The following ZNF516 variants were observed in gnomAD, a reference collection of about 807,000 sequenced individuals.
ZNF516 encodes the protein zinc finger protein 516.
ZNF516 carries 19 observed loss-of-function variants against 79.7 expected under a neutral mutation model. The observed-to-expected ratio is 0.24, with a 90% CI of 0.17 to 0.35. The LOEUF (loss-of-function observed/expected upper bound fraction) is 0.35. ZNF516 is among the 10% of genes least tolerant of loss of function. ZNF516 has a pLI of 1.00. For missense variants in ZNF516, 1,678 were observed against 1,679.5 expected (o/e 1.00, Z 0.02); for synonymous variants, 877 against 739.5 (o/e 1.19, Z -3.02).
chr18:76,412,627 G>C (rs1344806577), intron 3 of ZNF516, among the ~76,000 whole-genome samples: 2 of 152,176 alleles, frequency 1.3e-5, no homozygotes, highest in African/African-American at 2.4e-5. Context: ...GGGGAGGCCG[G>C]AGGATAAGGA....
At position 76,442,359 on chromosome 18, in the gene ZNF516, G is replaced by C. The variant is rs1474375165; in HGVS notation, c.696C>G (p.Gly232=). 6.2e-6 allele frequency: 10 copies of C among 1,609,212 alleles called. No individual in the cohort carries two copies. The highest frequency in any genetic ancestry group is 7.6e-6 in the Non-Finnish European group (9 of 1,179,134). ...GCTTGCCGTTCTCCACGCAGGCCTC[G>C]CCGCTGCCGGGCCCCTGCGCGGTGA... ...DHITAQGPGS[G]EACVENGKPE... The change falls in exon 3 of 7, where the codon GGC becomes GGG. Residue 232 remains glycine, a synonymous_variant. Coordinates refer to ENST00000443185, the MANE Select transcript of ZNF516 (RefSeq NM_014643.4).
intron 3 of ZNF516, among the ~76,000 whole-genome samples, chr18:76,407,492 C>T (rs1331571642): frequency 6.6e-6 from 1 of 152,096 alleles, no homozygotes; most frequent in African/African-American, 2.4e-5. Context: ...GACAGGGGCT[C>T]GGGCGGCAGC....
chr18:76,405,023 T>C (rs1051588206), intron 3 of ZNF516, among the ~76,000 whole-genome samples: 2 of 152,182 alleles, frequency 1.3e-5, no homozygotes, highest in Non-Finnish European at 2.9e-5. Flanking sequence ...CCCTGCCCTT[T>C]GCTCCCAGCA....
chr18:76,475,228 G>A (rs950027767), intron 1 of ZNF516, among the ~76,000 whole-genome samples: 1 of 152,174 alleles, frequency 6.6e-6, no homozygotes, highest in African/African-American at 2.4e-5. Flanking sequence ...ATAATGTGAC[G>A]AAGTAACAGG....
rs910507905 is a variant in ZNF516, at chr18:76,358,493, G to A, written c.*4005C>T. 2.0e-5 allele frequency: 3 copies of A among 152,210 alleles called. No homozygotes were observed. Among genetic ancestry groups the A allele is most frequent in the Admixed American group, 1.3e-4 (2 of 15,282 alleles). 9.4% of individuals were successfully genotyped at this position (152,210 alleles called of 1,614,324 possible). On this transcript the variant is annotated 3_prime_UTR_variant, in exon 7 of 7. Transcript: ENST00000443185. ...GGCCCTTGGTCACTCCCACAGGCAC[G>A]TTACCGGGCTCCGGCGTGTGCTCCC...
At chr18:76,375,655 A>G (rs2074775739) in intron 4 of ZNF516, among the ~76,000 whole-genome samples, 2 of 147,916 alleles carry the variant, frequency 1.4e-5, no homozygotes, top group South Asian at 4.3e-4. Context: ...GGGAAGGCCC[A>G]AGAGACCAGG....
intron 1 of ZNF516, among the ~76,000 whole-genome samples, chr18:76,468,417 CTT>C (rs58648821): frequency 1.6e-4 from 21 of 127,394 alleles, no homozygotes; most frequent in African/African-American, 1.2e-4. Context: ...TCATTAGTGT[CTT>C]TTTTTTTTTT....
chr18:76,467,138 G>A lies in ZNF516; in HGVS notation c.-271-3997C>T, dbSNP rs938318824. Reference sequence around the variant, plus strand: ...TGGCAGGAAGTCCTGCGTGTCTCTCGGAACCTGCAGCTCACAGCCCTTCTG... The same window carrying A: ...TGGCAGGAAGTCCTGCGTGTCTCTCAGAACCTGCAGCTCACAGCCCTTCTG... On this transcript the variant is annotated intron_variant, in intron 1 of 6. Coordinates refer to ENST00000443185, the MANE Select transcript of ZNF516 (RefSeq NM_014643.4). The surrounding 1 kb of genome is among the most constrained non-coding windows in gnomAD (Gnocchi z 4.2). 2.5e-4 allele frequency among the ~76,000 whole-genome samples: 37 copies of A among 150,220 alleles called. No homozygotes were observed. Among genetic ancestry groups the A allele is most frequent in the Non-Finnish European group, 3.8e-4 (26 of 67,626 alleles).
chr18:76,359,481 G>A lies in ZNF516; in HGVS notation c.*3017C>T, dbSNP rs893448666. ...TCATTCTTCAAATTAAGGAATACAA[G>A]TGAACAACCTGAAAAGATTTTTAGA... On this transcript the variant is annotated 3_prime_UTR_variant, in exon 7 of 7. Coordinates refer to ENST00000443185, the MANE Select transcript of ZNF516 (RefSeq NM_014643.4). The A allele has an allele frequency of 2.0e-5, 3 of 152,164 alleles. No individual in the cohort carries two copies. Among genetic ancestry groups the A allele is most frequent in the African/African-American group, 7.2e-5 (3 of 41,416 alleles). 9.4% of individuals were successfully genotyped at this position (152,164 alleles called of 1,614,324 possible).
rs199947682 is a variant in ZNF516, at chr18:76,427,867, C to CA, written c.1810+13377dup. Among the ~76,000 whole-genome samples the CA allele has an allele frequency of 8.5e-4, 127 of 149,598 alleles. No homozygotes were observed. In the East Asian group the frequency reaches 0.014, roughly 17 times the overall value. On this transcript the variant is annotated intron_variant, in intron 3 of 6. Coordinates refer to ENST00000443185, the MANE Select transcript of ZNF516 (RefSeq NM_014643.4). ...AAACATGAAAACACTCTTATGCTCACAAAAAAAAATGAGAAAATGGAAATT... is the reference window on the plus strand; with the variant it reads ...AAACATGAAAACACTCTTATGCTCACAAAAAAAAAATGAGAAAATGGAAATT...
intron 6 of ZNF516, among the ~76,000 whole-genome samples, chr18:76,369,097 C>T (rs559567358): frequency 2.6e-5 from 4 of 152,184 alleles, no homozygotes; most frequent in South Asian, 2.1e-4. Context: ...TTCTCAATTA[C>T]GGCATGACCT....
chr18:76,444,034 C>T (rs1911893134), intron 2 of ZNF516, among the ~76,000 whole-genome samples: 1 of 152,228 alleles, frequency 6.6e-6, no homozygotes, highest in Admixed American at 6.5e-5. Flanking sequence ...GAACAGGCCC[C>T]CACCAAGGAC....
chr18:76,371,418 C>T (rs1205851110), intron 5 of ZNF516, 49 bp downstream of exon 5: 2 of 1,526,320 alleles, frequency 1.3e-6, no homozygotes, highest in South Asian at 2.3e-5. Context: ...ACAGAAGAGA[C>T]CCCTCTTCCT....
In ZNF516 at chr18:76,408,657, CAG is replaced by C. The variant is rs748800409; in HGVS notation, c.1811-28356_1811-28355del. Reference sequence around the variant, plus strand: ...CCAAGAAGAACATGACCGCTAACGACAGAAAGAGGCGTAAAAAGAGGCCTTTC... The same window carrying C: ...CCAAGAAGAACATGACCGCTAACGACAAAGAGGCGTAAAAAGAGGCCTTTC... On this transcript the variant is annotated intron_variant, in intron 3 of 6. Coordinates refer to ENST00000443185, the MANE Select transcript of ZNF516 (RefSeq NM_014643.4). 1.6e-3 allele frequency among the ~76,000 whole-genome samples: 238 copies of C among 152,304 alleles called. 1 individual carries two copies. The highest frequency in any genetic ancestry group is 3.1e-4 in the Non-Finnish European group (21 of 68,032).
chr18:76,493,968 T>C lies in ZNF516; in HGVS notation c.-272+1176A>G, dbSNP rs926562651. On this transcript the variant is annotated intron_variant, in intron 1 of 6. Coordinates refer to ENST00000443185, the MANE Select transcript of ZNF516 (RefSeq NM_014643.4). This position sits in a 1 kb window ranked among gnomAD's most constrained non-coding sequence, Gnocchi z 5.2. ...CACACCCGGAGACCCGGTGACTCTT[T>C]ATCAGCGGAATGAGTAAGACACACA... 1.3e-5 allele frequency: 2 copies of C among 152,204 alleles called. No individual in the cohort carries two copies. The highest frequency in any genetic ancestry group is 1.9e-4 in the East Asian group (1 of 5,194). The allele number at this position is 152,204 out of a possible 1,614,324, so 9.4% of individuals were successfully genotyped here.
chr18:76,396,696 T>TG (rs567279222), intron 3 of ZNF516, among the ~76,000 whole-genome samples: 98 of 152,168 alleles, frequency 6.4e-4, no homozygotes, highest in Non-Finnish European at 1.1e-3. Flanking sequence ...CATAGACATC[T>TG]GGGGGGAAAA....
Position 76,458,662 on chromosome 18 carries a change from G to A in ZNF516, c.-158+4366C>T, listed in dbSNP as rs1391643246. ...ATGCCTCACCGTCGTGCGTGTGCGT[G>A]CCTCACCGTCGTGTGTGCGTGCCTC... is the stretch of plus-strand genomic sequence containing the variant. On this transcript the variant is annotated intron_variant, in intron 2 of 6. Transcript: ENST00000443185. 2.7e-5 allele frequency among the ~76,000 whole-genome samples: 4 copies of A among 148,184 alleles called. No homozygotes were observed. In the East Asian group the frequency reaches 8.1e-4, roughly 30 times the overall value.
rs1555721459 is a variant in ZNF516 at position 76,486,374 on chromosome 18, C to CA, written c.-272+8769dup. Reference sequence around the variant, plus strand: ...AGACACATGTTGCCCTTTTCTGAAACAAAAAAATTCCTAAACAAATGTCCT... The same window carrying CA: ...AGACACATGTTGCCCTTTTCTGAAACAAAAAAAATTCCTAAACAAATGTCCT... On this transcript the variant is annotated intron_variant, in intron 1 of 6. Transcript: ENST00000443185. Among the ~76,000 whole-genome samples, 7 of 151,754 alleles carry CA rather than the reference C, an allele frequency of 4.6e-5. No homozygotes were observed. The East Asian group carries it at 1.4e-3, about 29-fold the overall frequency.
chr18:76,397,008 AT>A (rs1157202613), intron 3 of ZNF516, among the ~76,000 whole-genome samples: 6 of 152,252 alleles, frequency 3.9e-5, no homozygotes, highest in Non-Finnish European at 8.8e-5. Flanking sequence ...ACACAAAAAA[AT>A]AACCCAGACA....
Sources: gnomAD v4.1 joint callset for allele counts (sites outside exome capture counted in the v4.1 genomes callset) on GRCh38, gnomAD v4.1.1 for gene constraint, Gnocchi (gnomAD v3.1) non-coding constraint, MANE v1.5 for transcripts, NCBI Gene and HGNC (gene_info 2026-07-23, HGNC 2026-07-21) for gene names.